PCDH9: variants seen among roughly 807,000 people sequenced by gnomAD.
PCDH9 encodes the protein protocadherin-9.
A neutral mutation model predicts 70.6 loss-of-function variants in PCDH9; 24 were observed. The ratio of observed to expected loss-of-function variants is 0.34; its 90% CI spans 0.25 to 0.48. The LOEUF (loss-of-function observed/expected upper bound fraction) is 0.48, where lower values mean the gene tolerates loss of function less well. Among genes scored for constraint, PCDH9 ranks in the 20% least tolerant of loss-of-function variants. PCDH9 has a pLI of 0.99. For missense variants in PCDH9, 1,281 were observed against 1,503.6 expected (o/e 0.85, Z 2.45); for synonymous variants, 562 against 558.5 (o/e 1.01, Z -0.09).
At chr13:66,868,937 A>C (rs2081623255) in intron 3 of PCDH9, among the ~76,000 whole-genome samples, 1 of 152,170 alleles carries the variant, frequency 6.6e-6, no homozygotes, top group Non-Finnish European at 1.5e-5. Context: ...TACGCTTAAG[A>C]ACTGTATATA....
At chr13:66,307,524 G>A (rs990145031) in intron 4 of PCDH9, among the ~76,000 whole-genome samples, 1 of 151,956 alleles carries the variant, frequency 6.6e-6, no homozygotes, top group African/African-American at 2.4e-5. Context: ...TAACTTCTCT[G>A]TTAAATATAT....
At chr13:66,607,376 A>T (rs1312653907) in intron 4 of PCDH9, among the ~76,000 whole-genome samples, 1 of 152,100 alleles carries the variant, frequency 6.6e-6, no homozygotes, top group East Asian at 1.9e-4. Flanking sequence ...TAATATTATT[A>T]TTAACGTCCA....
chr13:67,004,548 G>A (rs759327056), intron 2 of PCDH9, among the ~76,000 whole-genome samples: 6 of 66,990 alleles, frequency 9.0e-5, no homozygotes, highest in African/African-American at 2.2e-4. Flanking sequence ...CAGAGACTCC[G>A]TCTCAAAAAA....
At chr13:66,696,783 C>CTTT (rs34598874) in intron 3 of PCDH9, among the ~76,000 whole-genome samples, 9 of 126,116 alleles carry the variant, frequency 7.1e-5, no homozygotes, top group Admixed American at 1.7e-4. Flanking sequence ...TTCAGGCAAA[C>CTTT]TTTTTTTTTT....
intron 3 of PCDH9, among the ~76,000 whole-genome samples, chr13:66,771,618 T>C (rs1227480352): frequency 6.6e-6 from 1 of 152,190 alleles, no homozygotes; most frequent in Non-Finnish European, 1.5e-5. Flanking sequence ...AGATAATAAA[T>C]CGACCTGCGG....
chr13:66,931,573 T>G (rs893957678), intron 2 of PCDH9, among the ~76,000 whole-genome samples: 39 of 151,948 alleles, frequency 2.6e-4, no homozygotes, highest in Non-Finnish European at 8.8e-5. Flanking sequence ...AGAATGGTGG[T>G]GGGGGGGAAG....
At chr13:66,958,101 T>C (rs2083291107) in intron 2 of PCDH9, among the ~76,000 whole-genome samples, 1 of 152,184 alleles carries the variant, frequency 6.6e-6, no homozygotes, top group East Asian at 1.9e-4. Flanking sequence ...ATGTTCAAGA[T>C]GAAGAGGCAC....
At chr13:67,005,889 A>G (rs78319647) in intron 2 of PCDH9, among the ~76,000 whole-genome samples, 4,027 of 152,220 alleles carry the variant, frequency 0.026, 175 homozygotes, top group African/African-American at 0.091. Flanking sequence ...TAGATGACTA[A>G]TCTAAAAAGC....
At chr13:66,583,310 T>C (rs913857701) in intron 4 of PCDH9, among the ~76,000 whole-genome samples, 1 of 152,188 alleles carries the variant, frequency 6.6e-6, no homozygotes, top group African/African-American at 2.4e-5. Flanking sequence ...ATCTACTCAA[T>C]GTTTAAGAAT....
chr13:66,559,810 A>AAT (rs1961917636), intron 4 of PCDH9, among the ~76,000 whole-genome samples: 2 of 63,730 alleles, frequency 3.1e-5, no homozygotes, highest in Non-Finnish European at 3.2e-5. Context: ...AAAAAAAAAA[A>AAT]AAAAAAAATA....
At chr13:66,831,093 A>G (rs2080917374) in intron 3 of PCDH9, among the ~76,000 whole-genome samples, 1 of 152,198 alleles carries the variant, frequency 6.6e-6, no homozygotes, top group Non-Finnish European at 1.5e-5. Context: ...TATGAGTTAT[A>G]GAGAATCAGG....
chr13:66,857,748 A>G (rs2081418182), intron 3 of PCDH9, among the ~76,000 whole-genome samples: 2 of 152,130 alleles, frequency 1.3e-5, no homozygotes, highest in Non-Finnish European at 2.9e-5. Flanking sequence ...TTGACAGGGA[A>G]ATGAAATGTA....
intron 2 of PCDH9, among the ~76,000 whole-genome samples, chr13:67,110,418 G>T (rs2086635009): frequency 6.7e-6 from 1 of 149,704 alleles, no homozygotes; most frequent in African/African-American, 2.5e-5. Context: ...GCAGGCTGAG[G>T]CAGGAGAGTT....
chr13:66,395,627 A>AAAC (rs1168375027), intron 4 of PCDH9, among the ~76,000 whole-genome samples: 3 of 151,558 alleles, frequency 2.0e-5, no homozygotes. Flanking sequence ...AATAAATAAA[A>AAAC]TAAAATAAAA....
intron 2 of PCDH9, among the ~76,000 whole-genome samples, chr13:67,095,921 A>G (rs1197123049): frequency 6.6e-6 from 1 of 152,192 alleles, no homozygotes; most frequent in African/African-American, 2.4e-5. Context: ...TAAAAGGCCA[A>G]TCTGATTTCC....
intron 3 of PCDH9, among the ~76,000 whole-genome samples, chr13:66,797,853 C>T (rs1414400866): frequency 6.6e-6 from 1 of 151,944 alleles, no homozygotes; most frequent in Non-Finnish European, 1.5e-5. Context: ...AAGCTGGAAC[C>T]TATTTCTCTA....
intron 2 of PCDH9, among the ~76,000 whole-genome samples, chr13:67,055,270 T>A (rs1255342936): frequency 6.6e-6 from 1 of 152,232 alleles, no homozygotes; most frequent in Admixed American, 6.5e-5. Context: ...TAGGACACAT[T>A]GGTCAAAGTG....
At chr13:66,514,289 A>G (rs899392401) in intron 4 of PCDH9, among the ~76,000 whole-genome samples, 2 of 151,990 alleles carry the variant, frequency 1.3e-5, no homozygotes, top group Non-Finnish European at 2.9e-5. Context: ...TATTTTTTGG[A>G]CTTGAGTTAG....
intron 2 of PCDH9, among the ~76,000 whole-genome samples, chr13:67,159,497 C>T (rs951738314): frequency 1.3e-5 from 2 of 152,050 alleles, no homozygotes; most frequent in African/African-American, 4.8e-5. Flanking sequence ...AAAAGAAAAG[C>T]GTAGAGTGAG....
Sources: allele counts gnomAD v4.1 joint callset (sites outside exome capture counted in the v4.1 genomes callset), GRCh38; gene constraint gnomAD v4.1.1; transcripts MANE v1.5; gene names NCBI Gene and HGNC (gene_info 2026-07-23, HGNC 2026-07-21).